Variants in C8B observed in about 807,000 individuals in gnomAD.
The protein encoded by C8B is complement component C8 beta chain.
In C8B, 67 loss-of-function variants were observed where a neutral mutation model predicts 64.6. The observed-to-expected ratio is 1.04, with a 90% CI of 0.85 to 1.27. The LOEUF (loss-of-function observed/expected upper bound fraction) is 1.27. Ranked by LOEUF, C8B falls within the 50% of genes most tolerant of loss-of-function variation. C8B has a pLI of 0.00. For synonymous variants in C8B, 284 were observed against 257.7 expected (o/e 1.10, Z -0.98); for missense variants, 790 against 725.2 (o/e 1.09, Z -1.03).
intron 5 of C8B, among the ~76,000 whole-genome samples, chr1:56,950,058 AG>A (rs1644999095): frequency 6.6e-6 from 1 of 152,210 alleles, no homozygotes; most frequent in Non-Finnish European, 1.5e-5. Context: ...GAGGTGGGAA[AG>A]GGGAGGGTGT....
intron 9 of C8B, among the ~76,000 whole-genome samples, chr1:56,940,140 G>C (rs1644830081): frequency 6.6e-6 from 1 of 151,780 alleles, no homozygotes; most frequent in African/African-American, 2.4e-5. Context: ...ACTATTTGTT[G>C]GTTGAATGCA....
In C8B at chr1:56,941,759, G is replaced by T. The variant is rs543315073; in HGVS notation, c.1235-747C>A. 3.9e-5 allele frequency among the ~76,000 whole-genome samples: 6 copies of T among 152,290 alleles called. No individual in the cohort carries two copies. In the East Asian group the frequency reaches 1.2e-3, roughly 29 times the overall value. On this transcript the variant is annotated intron_variant, in intron 8 of 11. Transcript: ENST00000371237. ...CTGATAAAGATAAATTTTAAACAAG[G>T]TCTGCCTGGTTTCATAGCCACTGTT...
At chr1:56,940,720 A>C in intron 9 of C8B, 129 bp downstream of exon 9, 1 of 945,222 alleles carries the variant, frequency 1.1e-6, no homozygotes, top group Non-Finnish European at 1.7e-6. Flanking sequence ...ATTTTCTACT[A>C]TCGTATATGT....
At chr1:56,941,083 CCAA>C in intron 8 of C8B, 71 bp from the exon 9 acceptor site, 1 of 1,539,434 alleles carries the variant, frequency 6.5e-7, no homozygotes, top group Non-Finnish European at 8.9e-7. Context: ...TGCAACCCAA[CCAA>C]CAATTTGGGT....
chr1:56,949,584 T>C lies in C8B; in HGVS notation c.835A>G (p.Ile279Val), dbSNP rs199765748. The change falls in exon 6 of 12, where the codon ATT becomes GTT. Residue 279 changes from isoleucine to valine, a missense_variant. Physicochemically the swap from Ile to Val is conservative, Grantham distance 29 (BLOSUM62 3). Transcript: ENST00000371237. ...TGAGAGAATCGTTTGGTTCTCCTAA[T>C]ATAGTGTTTGCCTCGATCACTTTGA... Reference protein sequence around the residue: ...SSQSDRGKHYIRRTKRFSHTK... With the variant: ...SSQSDRGKHYVRRTKRFSHTK... 12 of 1,614,052 alleles carry C rather than the reference T, an allele frequency of 7.4e-6. No individual in the cohort carries two copies. The highest frequency in any genetic ancestry group is 2.2e-5 in the East Asian group (1 of 44,854).
intron 7 of C8B, among the ~76,000 whole-genome samples, chr1:56,944,094 T>A (rs1644907024): frequency 6.6e-6 from 1 of 152,166 alleles, no homozygotes; most frequent in South Asian, 2.1e-4. Context: ...GTGCTCAAAG[T>A]CATTTTCTAA....
At position 56,939,232 on chromosome 1, in the gene C8B, T is replaced by C. The variant is rs74925866; in HGVS notation, c.1398+1617A>G. Among the ~76,000 whole-genome samples, 375 of 152,346 alleles carry C rather than the reference T, an allele frequency of 2.5e-3. 2 individuals are homozygous for C. Among genetic ancestry groups the C allele is most frequent in the African/African-American group, 8.5e-3 (355 of 41,580 alleles). Reference sequence around the variant, plus strand: ...AACTCTGTTCTCTCCCATGACCAGCTGTGATGCCAACCAATGTCACCATGG... The same window carrying C: ...AACTCTGTTCTCTCCCATGACCAGCCGTGATGCCAACCAATGTCACCATGG... On this transcript the variant is annotated intron_variant, in intron 9 of 11. Transcript: ENST00000371237.
intron 9 of C8B, among the ~76,000 whole-genome samples, chr1:56,940,114 T>C (rs867545126): frequency 6.6e-6 from 1 of 152,134 alleles, no homozygotes; most frequent in African/African-American, 2.4e-5. Flanking sequence ...TCCTGTAGCA[T>C]AGCAGGAATT....
At chr1:56,949,870 A>G in intron 5 of C8B, 118 bp from the exon 6 acceptor site, 1 of 765,610 alleles carries the variant, frequency 1.3e-6, no homozygotes, top group South Asian at 1.5e-5. Context: ...GATGCTCTGG[A>G]TACAGAGAAA....
chr1:56,958,521 G>A (rs1557742836), intron 2 of C8B, among the ~76,000 whole-genome samples: 1 of 152,070 alleles, frequency 6.6e-6, no homozygotes, highest in Admixed American at 6.5e-5. Flanking sequence ...AAAAGCTCCA[G>A]GCTCCAAAGG....
intron 8 of C8B, among the ~76,000 whole-genome samples, chr1:56,941,531 TA>T (rs1644859896): frequency 7.2e-6 from 1 of 139,412 alleles, no homozygotes; most frequent in Non-Finnish European, 1.6e-5. Flanking sequence ...GATAGATAGA[TA>T]GATAGATAGA....
chr1:56,954,242 A>G (rs970687496), intron 4 of C8B, among the ~76,000 whole-genome samples: 5 of 152,158 alleles, frequency 3.3e-5, no homozygotes, highest in African/African-American at 4.8e-5. Context: ...TCACTGTCTA[A>G]ATAGAGACCT....
At chr1:56,951,225 G>A (rs538747774) in intron 5 of C8B, among the ~76,000 whole-genome samples, 39 of 152,154 alleles carry the variant, frequency 2.6e-4, no homozygotes, top group Non-Finnish European at 4.0e-4. Flanking sequence ...CTATAGACAC[G>A]CACCACCACA....
intron 2 of C8B, among the ~76,000 whole-genome samples, chr1:56,957,941 C>T (rs1480806036): frequency 6.6e-6 from 1 of 151,782 alleles, no homozygotes; most frequent in African/African-American, 2.4e-5. Flanking sequence ...GTAGGAATGT[C>T]TGACAGGTGT....
rs1645148059 is a variant in C8B, at chr1:56,959,603, T to C, written c.249+417A>G. The stretch of plus-strand genomic sequence containing the variant: ...ATACAAGTGTCCATTGTGCTGGAAA[T>C]GTAGGCTAGATTCGGTCACAGGGAT... On this transcript the variant is annotated intron_variant, in intron 2 of 11. Transcript: ENST00000371237. 3.9e-6 allele frequency: 6 copies of C among 1,535,334 alleles called. No homozygotes were observed. In the South Asian group the frequency reaches 5.9e-5, roughly 15 times the overall value.
intron 2 of C8B, chr1:56,959,714 A>G (rs2101462374): frequency 9.9e-7 from 1 of 1,010,266 alleles, no homozygotes; most frequent in Admixed American, 2.3e-5. Context: ...CAACTCAGAC[A>G]TACACTATGA....
chr1:56,957,681 G>A (rs1645122246), intron 2 of C8B, among the ~76,000 whole-genome samples: 1 of 152,090 alleles, frequency 6.6e-6, no homozygotes, highest in East Asian at 1.9e-4. Flanking sequence ...TGTTGAAAAG[G>A]TAGATGTTAT....
intron 4 of C8B, among the ~76,000 whole-genome samples, chr1:56,952,460 G>A (rs1253924324): frequency 6.6e-6 from 1 of 152,112 alleles, no homozygotes; most frequent in Non-Finnish European, 1.5e-5. Context: ...CTTCCACCCA[G>A]TCACTGTTTT....
At position 56,965,955 on chromosome 1, in the gene C8B, A is replaced by G. The variant is rs1216037310; in HGVS notation, c.-7T>C. On this transcript the variant is annotated 5_prime_UTR_variant, in exon 1 of 12. Transcript: ENST00000371237. Reference sequence around the variant, plus strand: ...ATGTCCTGGAATTCTTCATTTTCCCAATGTGACAGGAGATGCCACAGAGGC... The same window carrying G: ...ATGTCCTGGAATTCTTCATTTTCCCGATGTGACAGGAGATGCCACAGAGGC... 1.2e-6 allele frequency: 2 copies of G among 1,613,678 alleles called. No individual in the cohort carries two copies. The highest frequency in any genetic ancestry group is 3.3e-5 in the Admixed American group (2 of 60,016).
Sources: gnomAD v4.1 joint callset for allele counts (sites outside exome capture counted in the v4.1 genomes callset) on GRCh38, gnomAD v4.1.1 for gene constraint, MANE v1.5 for transcripts, NCBI Gene and HGNC (gene_info 2026-07-23, HGNC 2026-07-21) for gene names.